Variants in NOS1AP observed in about 807,000 individuals in gnomAD.
NOS1AP encodes carboxyl-terminal PDZ ligand of neuronal nitric oxide synthase protein.
A neutral mutation model predicts 56.2 loss-of-function variants in NOS1AP; 21 were observed. The observed-to-expected ratio is 0.37, with a 90% CI of 0.26 to 0.54. The LOEUF (loss-of-function observed/expected upper bound fraction) is 0.54. Among genes scored for constraint, NOS1AP ranks in the 20% least tolerant of loss-of-function variants. The pLI, the probability that NOS1AP is intolerant of heterozygous loss-of-function variation, is 0.84. For synonymous variants in NOS1AP, 270 were observed against 274.6 expected (o/e 0.98, Z 0.17); for missense variants, 522 against 657.8 (o/e 0.79, Z 2.26).
intron 1 of NOS1AP, among the ~76,000 whole-genome samples, chr1:162,118,329 C>T (rs936851096): frequency 2.0e-5 from 3 of 152,150 alleles, no homozygotes; most frequent in Non-Finnish European, 4.4e-5. Flanking sequence ...TGTTTAGCTC[C>T]CACTTATAAG....
chr1:162,206,743 A>G (rs1250589007), intron 2 of NOS1AP, among the ~76,000 whole-genome samples: 1 of 152,206 alleles, frequency 6.6e-6, no homozygotes, highest in Non-Finnish European at 1.5e-5. Context: ...CTGGCACATG[A>G]TATTGTTACC....
intron 2 of NOS1AP, among the ~76,000 whole-genome samples, chr1:162,221,462 T>C (rs1471839797): frequency 1.3e-5 from 2 of 151,968 alleles, no homozygotes; most frequent in Non-Finnish European, 2.9e-5. Context: ...CTACAGAGTT[T>C]TTCACCATTA....
chr1:162,233,044 C>G lies in NOS1AP; in HGVS notation c.178-54300C>G, dbSNP rs544201965. On this transcript the variant is annotated intron_variant, in intron 2 of 9. Transcript: ENST00000361897. ...AAGAATTAAACTGTGTAGTGGTTCT[C>G]AAACTTCAGTGTGTTTTAGAATCTA... Among the ~76,000 whole-genome samples the G allele has an allele frequency of 2.6e-5, 4 of 152,318 alleles. No homozygotes were observed. In the South Asian group the frequency reaches 6.2e-4, roughly 24 times the overall value.
intron 4 of NOS1AP, among the ~76,000 whole-genome samples, chr1:162,332,251 C>A (rs1329230614): frequency 1.3e-5 from 2 of 152,228 alleles, no homozygotes; most frequent in Non-Finnish European, 2.9e-5. Flanking sequence ...CCATTCAGAT[C>A]TCAGCCTCTC....
Position 162,216,988 on chromosome 1 carries a change from C to A in NOS1AP, c.177+62512C>A, listed in dbSNP as rs1571135714. On this transcript the variant is annotated intron_variant, in intron 2 of 9. Transcript: ENST00000361897. ...GTATTGTGATTGTGGGTGCTGTTAT[C>A]GTTTATAGAGGATTCATCATCAAAT... is the stretch of plus-strand genomic sequence containing the variant. 2.6e-5 allele frequency among the ~76,000 whole-genome samples: 4 copies of A among 152,200 alleles called. No homozygotes were observed. In the South Asian group the frequency reaches 8.3e-4, roughly 32 times the overall value.
chr1:162,283,947 A>G (rs1344042107), intron 2 of NOS1AP, among the ~76,000 whole-genome samples: 1 of 152,214 alleles, frequency 6.6e-6, no homozygotes, highest in Non-Finnish European at 1.5e-5. Flanking sequence ...AGACGGTGGC[A>G]CCAGCAGTCT....
Position 162,343,838 on chromosome 1 carries a change from C to A in NOS1AP, c.457C>A (p.Gln153Lys), listed in dbSNP as rs753277283. The change falls in exon 6 of 10, where the codon CAA becomes AAA. Residue 153 changes from glutamine to lysine, a missense_variant. By Grantham distance (53) the Gln-to-Lys change is moderately conservative. Transcript: ENST00000361897. ...CNVFKSKKKS[Q>K]AMRIVRTVGQ... ...TCTTCTCCTTTCTCCTTCCCAGAGC[C>A]AAGCTATGAGAATCGTTCGGACGGT... 6.2e-7 allele frequency: 1 copy of A among 1,614,174 alleles called. No homozygotes were observed. Among genetic ancestry groups the A allele is most frequent in the Non-Finnish European group, 8.5e-7 (1 of 1,180,034 alleles).
chr1:162,156,791 C>T (rs1192054879), intron 2 of NOS1AP, among the ~76,000 whole-genome samples: 1 of 151,990 alleles, frequency 6.6e-6, no homozygotes, highest in Admixed American at 6.5e-5. Flanking sequence ...TACAACTACT[C>T]TAGATGAGGA....
intron 1 of NOS1AP, among the ~76,000 whole-genome samples, chr1:162,092,131 A>G (rs558114362): frequency 1.8e-4 from 27 of 152,360 alleles, no homozygotes; most frequent in African/African-American, 6.3e-4. Context: ...CCCAGGCCAC[A>G]TTCCAGTCTC....
At chr1:162,200,047 C>T (rs1489057483) in intron 2 of NOS1AP, among the ~76,000 whole-genome samples, 1 of 152,122 alleles carries the variant, frequency 6.6e-6, no homozygotes, top group East Asian at 1.9e-4. Context: ...TCAGGAAACC[C>T]ATTTCACTTC....
At chr1:162,225,800 C>T (rs951358501) in intron 2 of NOS1AP, among the ~76,000 whole-genome samples, 14 of 152,256 alleles carry the variant, frequency 9.2e-5, no homozygotes, top group African/African-American at 1.4e-4. Context: ...TGGCACAGTC[C>T]GTAGATTACT....
chr1:162,350,989 G>A (rs1256878517), intron 6 of NOS1AP, among the ~76,000 whole-genome samples: 1 of 152,188 alleles, frequency 6.6e-6, no homozygotes, highest in East Asian at 1.9e-4. Context: ...GCTTTCTGAT[G>A]GTTTCATGTA....
intron 5 of NOS1AP, among the ~76,000 whole-genome samples, chr1:162,335,370 G>A (rs10919200): frequency 0.28 from 42,173 of 152,148 alleles, 6,251 homozygotes; most frequent in East Asian, 0.53. Context: ...AGCTAAGAAA[G>A]GGAAGTGAAT....
intron 2 of NOS1AP, among the ~76,000 whole-genome samples, chr1:162,210,376 A>C (rs1652311992): frequency 6.6e-6 from 1 of 152,216 alleles, no homozygotes; most frequent in Non-Finnish European, 1.5e-5. Flanking sequence ...GACAGCAAGC[A>C]AAAGCCACAC....
chr1:162,214,105 T>C (rs1652460237), intron 2 of NOS1AP, among the ~76,000 whole-genome samples: 1 of 152,210 alleles, frequency 6.6e-6, no homozygotes, highest in Non-Finnish European at 1.5e-5. Flanking sequence ...TCAAAGAATA[T>C]ATAAAATTGA....
intron 2 of NOS1AP, among the ~76,000 whole-genome samples, chr1:162,240,283 G>T (rs979456944): frequency 1.3e-5 from 2 of 151,326 alleles, no homozygotes; most frequent in Non-Finnish European, 3.0e-5. Flanking sequence ...GTGTGTGTGT[G>T]TTGAGGCATG....
chr1:162,337,707 C>A (rs1656984491), intron 5 of NOS1AP, among the ~76,000 whole-genome samples: 1 of 152,198 alleles, frequency 6.6e-6, no homozygotes, highest in Non-Finnish European at 1.5e-5. Flanking sequence ...GAAGGAAAAA[C>A]ACAGCTATCT....
chr1:162,080,866 C>T (rs1207037505), intron 1 of NOS1AP, among the ~76,000 whole-genome samples: 2 of 152,104 alleles, frequency 1.3e-5, no homozygotes, highest in African/African-American at 2.4e-5. Context: ...TTCTATGAAA[C>T]GATTAATTTA....
intron 2 of NOS1AP, among the ~76,000 whole-genome samples, chr1:162,173,214 G>A (rs1650885992): frequency 1.3e-5 from 2 of 152,140 alleles, no homozygotes; most frequent in Non-Finnish European, 2.9e-5. Context: ...AGGTTGCCCA[G>A]GCTGGTCCTG....
Sources: gnomAD v4.1 joint callset for allele counts (sites outside exome capture counted in the v4.1 genomes callset) on GRCh38, gnomAD v4.1.1 for gene constraint, MANE v1.5 for transcripts, NCBI Gene and HGNC (gene_info 2026-07-23, HGNC 2026-07-21) for gene names.